The following FGF14 variants were observed in gnomAD, a reference collection of about 807,000 sequenced individuals.
FGF14 encodes the protein fibroblast growth factor homologous factor 4.
In FGF14, 5 loss-of-function variants were observed where a neutral mutation model predicts 25.5. That is an observed-to-expected ratio of 0.20 (90% CI 0.10 to 0.41). The LOEUF (loss-of-function observed/expected upper bound fraction) is 0.41. Among genes scored for constraint, FGF14 ranks in the 10% least tolerant of loss-of-function variants. The pLI is 1.00. For missense variants in FGF14, 222 were observed against 320.1 expected (o/e 0.69, Z 2.34); for synonymous variants, 138 against 118.3 (o/e 1.17, Z -1.08).
chr13:101,820,815 A>ACACACAC (rs1446546415), intron 3 of FGF14, among the ~76,000 whole-genome samples: 5 of 151,182 alleles, frequency 3.3e-5, no homozygotes, highest in Non-Finnish European at 7.4e-5. Flanking sequence ...CAACACACAC[A>ACACACAC]CACACACCAC....
rs1178338568 is a variant in FGF14, at chr13:101,720,056, C to T, written c.*2775G>A. 2 of 151,816 alleles carry T rather than the reference C, an allele frequency of 1.3e-5. No individual in the cohort carries two copies. Among genetic ancestry groups the T allele is most frequent in the Non-Finnish European group, 2.9e-5 (2 of 67,958 alleles). The allele number at this position is 151,816 out of a possible 1,614,324, so 9.4% of individuals were successfully genotyped here. ...AAGTTGTTTGATGTTTTTTAATATGCCTTCATATAAATATTTTATTCAATA... is the reference window on the plus strand; with the variant it reads ...AAGTTGTTTGATGTTTTTTAATATGTCTTCATATAAATATTTTATTCAATA... On this transcript the variant is annotated 3_prime_UTR_variant, in exon 5 of 5. Transcript: ENST00000376143.
At chr13:102,157,204 A>G (rs1313552670) in intron 1 of FGF14, among the ~76,000 whole-genome samples, 5 of 152,232 alleles carry the variant, frequency 3.3e-5, no homozygotes, top group African/African-American at 1.2e-4. Context: ...TTCCAAGTCA[A>G]TCCTAAGCCA....
At chr13:101,940,976 T>C (rs1232839949) in intron 1 of FGF14, among the ~76,000 whole-genome samples, 4 of 152,318 alleles carry the variant, frequency 2.6e-5, no homozygotes, top group Non-Finnish European at 5.9e-5. Flanking sequence ...ATAGAGTCTT[T>C]TGGGGACATC....
chr13:101,904,352 T>C (rs549827835), intron 1 of FGF14, among the ~76,000 whole-genome samples: 1 of 151,944 alleles, frequency 6.6e-6, no homozygotes, highest in Non-Finnish European at 1.5e-5. Flanking sequence ...GGGTATTTTC[T>C]TATATTCAGG....
At chr13:102,300,776 ATTTTAGTTG>A (rs1323468628) in intron 1 of FGF14, among the ~76,000 whole-genome samples, 1 of 152,122 alleles carries the variant, frequency 6.6e-6, no homozygotes, top group Non-Finnish European at 1.5e-5. Context: ...AAAGGCAATT[ATTTTAGTTG>A]TTAGCCTTTA....
intron 1 of FGF14, among the ~76,000 whole-genome samples, chr13:101,999,351 G>A (rs1455218537): frequency 6.6e-6 from 1 of 152,220 alleles, no homozygotes; most frequent in African/African-American, 2.4e-5. Flanking sequence ...GGGCCATGGT[G>A]TGGTAGTCTG....
intron 2 of FGF14, among the ~76,000 whole-genome samples, chr13:101,872,322 A>G (rs1014031606): frequency 2.0e-5 from 3 of 151,524 alleles, no homozygotes; most frequent in Non-Finnish European, 4.4e-5. Context: ...ATGATTATTC[A>G]TAAACATGTT....
At chr13:102,087,337 G>T (rs1251237950) in intron 1 of FGF14, among the ~76,000 whole-genome samples, 1 of 150,848 alleles carries the variant, frequency 6.6e-6, no homozygotes, top group Non-Finnish European at 1.5e-5. Flanking sequence ...GGGTTTCCTA[G>T]CAATGGGACC....
intron 1 of FGF14, among the ~76,000 whole-genome samples, chr13:102,056,595 A>T (rs892410381): frequency 6.6e-6 from 1 of 152,142 alleles, no homozygotes; most frequent in Non-Finnish European, 1.5e-5. Flanking sequence ...CTCACAATAC[A>T]GCAAATTATA....
chr13:102,387,266 C>G (rs2058326450), intron 1 of FGF14, among the ~76,000 whole-genome samples: 7 of 152,112 alleles, frequency 4.6e-5, no homozygotes, highest in Admixed American at 4.6e-4. Flanking sequence ...CATCCAGGAG[C>G]CAGATACTGA....
At chr13:101,834,050 CTA>C (rs2042804926) in intron 3 of FGF14, among the ~76,000 whole-genome samples, 1 of 152,006 alleles carries the variant, frequency 6.6e-6, no homozygotes, top group African/African-American at 2.4e-5. Context: ...TCATATTCCT[CTA>C]GTGATCAAGC....
At chr13:102,201,925 T>C (rs1053970436) in intron 1 of FGF14, among the ~76,000 whole-genome samples, 2 of 152,136 alleles carry the variant, frequency 1.3e-5, no homozygotes, top group Non-Finnish European at 2.9e-5. Context: ...TCCCCAGTGT[T>C]GGATGTGGGG....
chr13:101,929,126 T>C (rs1247923153), intron 1 of FGF14, among the ~76,000 whole-genome samples: 2 of 152,220 alleles, frequency 1.3e-5, no homozygotes, highest in Non-Finnish European at 2.9e-5. Context: ...GCATCTCCCC[T>C]TGAGTGGCTC....
intron 1 of FGF14, among the ~76,000 whole-genome samples, chr13:102,254,406 A>G (rs2052343184): frequency 6.6e-6 from 1 of 152,128 alleles, no homozygotes; most frequent in Non-Finnish European, 1.5e-5. Flanking sequence ...CAGGGGCTGA[A>G]CCAAGATCCT....
chr13:102,201,137 A>G (rs1319618830), intron 1 of FGF14, among the ~76,000 whole-genome samples: 1 of 115,528 alleles, frequency 8.7e-6, no homozygotes, highest in Non-Finnish European at 1.8e-5. Flanking sequence ...AAAAAAAAAG[A>G]CTAATGTCTT....
chr13:102,170,860 T>C (rs1350317545), intron 1 of FGF14, among the ~76,000 whole-genome samples: 1 of 152,190 alleles, frequency 6.6e-6, no homozygotes, highest in Non-Finnish European at 1.5e-5. Flanking sequence ...TTCTAACTTC[T>C]GGGTTATTTT....
intron 3 of FGF14, among the ~76,000 whole-genome samples, chr13:101,840,222 T>TAAACAAATTTTATATTAG (rs2043133700): frequency 6.6e-6 from 1 of 152,004 alleles, no homozygotes; most frequent in South Asian, 2.1e-4. Flanking sequence ...TTTTAAATTA[T>TAAACAAATTTTATATTAG]AAACTAGTTT....
intron 3 of FGF14, among the ~76,000 whole-genome samples, chr13:101,781,238 T>A (rs2039475287): frequency 6.6e-6 from 1 of 152,252 alleles, no homozygotes; most frequent in African/African-American, 2.4e-5. Flanking sequence ...CTTTCTCTTA[T>A]TCTGCTCTAT....
At chr13:101,885,853 T>C (rs2045963920) in intron 1 of FGF14, among the ~76,000 whole-genome samples, 2 of 152,164 alleles carry the variant, frequency 1.3e-5, no homozygotes, top group African/African-American at 2.4e-5. Context: ...GTCAAAACTT[T>C]AAAATACCAC....
Sources: allele counts gnomAD v4.1 joint callset (sites outside exome capture counted in the v4.1 genomes callset), GRCh38; gene constraint gnomAD v4.1.1; transcripts MANE v1.5; gene names NCBI Gene and HGNC (gene_info 2026-07-23, HGNC 2026-07-21).